The following MGST3 variants were observed in gnomAD, a reference collection of about 807,000 sequenced individuals.
MGST3 encodes glutathione S-transferase 3, mitochondrial.
MGST3 carries 13 observed loss-of-function variants against 15.8 expected under a neutral mutation model. The observed-to-expected ratio is 0.82, with a 90% CI of 0.54 to 1.31. The LOEUF is 1.31. Ranked by LOEUF, MGST3 falls within the 50% of genes most tolerant of loss-of-function variation. The pLI is 0.00. For synonymous variants in MGST3, 49 were observed against 68.1 expected, an observed-to-expected ratio of 0.72 and a Z score of 1.38; for missense variants, 155 against 192.4, an observed-to-expected ratio of 0.81 and a Z score of 1.15.
At chr1:165,632,842 G>A (rs1024844017) in intron 1 of MGST3, among the ~76,000 whole-genome samples, 1 of 152,032 alleles carries the variant, frequency 6.6e-6, no homozygotes, top group Non-Finnish European at 1.5e-5. Flanking sequence ...GAACATACAG[G>A]AAAGAAGGGC....
chr1:165,642,480 A>T (rs1648287209), intron 1 of MGST3, among the ~76,000 whole-genome samples: 1 of 152,262 alleles, frequency 6.6e-6, no homozygotes, highest in Non-Finnish European at 1.5e-5. Context: ...ATGTGGTTCT[A>T]AACTTTGCTA....
rs755972776 is a variant in MGST3 at position 165,655,551 on chromosome 1, C to G, written c.*47C>G. On this transcript the variant is annotated 3_prime_UTR_variant, in exon 6 of 6. Transcript: ENST00000367889. ...CTCTCATTCATTTTAAATGACTTAC[C>G]TTTATTTCCAGTTACATTTTTTTTC... 1 of 1,609,254 alleles carries G rather than the reference C, an allele frequency of 6.2e-7. No individual in the cohort carries two copies. The highest frequency in any genetic ancestry group is 1.7e-5 in the Admixed American group (1 of 59,746).
intron 1 of MGST3, chr1:165,646,958 G>A (rs982407960): frequency 3.3e-5 from 5 of 152,236 alleles, no homozygotes; most frequent in Non-Finnish European, 7.3e-5. Context: ...TCGTGCGGGG[G>A]ACCCTCAGGG....
intron 1 of MGST3, among the ~76,000 whole-genome samples, chr1:165,642,461 A>G (rs1648286867): frequency 6.6e-6 from 1 of 152,238 alleles, no homozygotes; most frequent in Admixed American, 6.5e-5. Context: ...CAGAAAAGGA[A>G]GAGGATATAT....
At chr1:165,632,523 CAT>C (rs1647982160) in intron 1 of MGST3, among the ~76,000 whole-genome samples, 1 of 152,210 alleles carries the variant, frequency 6.6e-6, no homozygotes, top group Admixed American at 6.5e-5. Context: ...TTAAAACTAA[CAT>C]ATAAAATAGA....
chr1:165,632,149 G>C, intron 1 of MGST3: 1 of 1,197,930 alleles, frequency 8.3e-7, no homozygotes, highest in Non-Finnish European at 1.2e-6. Flanking sequence ...GCAAGTAAGT[G>C]TGGAAGACGA....
intron 4 of MGST3, 65 bp from the exon 5 acceptor site, chr1:165,654,214 C>T (rs4147606): frequency 0.2 from 299,168 of 1,467,406 alleles, 46,968 homozygotes; most frequent in East Asian, 0.83. Flanking sequence ...GTAATCAACC[C>T]TAGGTGTTAA....
intron 4 of MGST3, 151 bp downstream of exon 4, chr1:165,652,186 T>A: frequency 1.4e-6 from 1 of 715,662 alleles, no homozygotes. Context: ...TCTTACAGAG[T>A]TCTTTAAAGG....
chr1:165,649,948 AG>A lies in MGST3; in HGVS notation c.102del (p.Lys35SerfsTer41). ...GCCATCAATGTTTCCAAGGCCCGCA[AG>A]AAGTACAAAGTGGAGGTAAGTGGGA... The part of the protein sequence containing the change: ...HLAINVSKAR[K>X]KYKVEYPIMY... On this transcript the variant is annotated frameshift_variant, in exon 2 of 6. Coordinates refer to ENST00000367889, the MANE Select transcript of MGST3 (RefSeq NM_004528.4). LOFTEE classifies it high-confidence loss of function. 6.2e-7 allele frequency: 1 copy of A among 1,614,144 alleles called. No homozygotes were observed. The highest frequency in any genetic ancestry group is 8.5e-7 in the Non-Finnish European group (1 of 1,180,028).
At chr1:165,643,454 C>T (rs2101718900) in intron 1 of MGST3, among the ~76,000 whole-genome samples, 1 of 151,764 alleles carries the variant, frequency 6.6e-6, no homozygotes, top group Non-Finnish European at 1.5e-5. Context: ...TGCTGTGGCT[C>T]ATGCTTGTAT....
chr1:165,648,874 T>C (rs532549186), intron 1 of MGST3: 1 of 152,330 alleles, frequency 6.6e-6, no homozygotes, highest in East Asian at 1.9e-4. Flanking sequence ...GTTTTAGACC[T>C]TGGAAACATT....
At chr1:165,640,802 T>C (rs536974738) in intron 1 of MGST3, among the ~76,000 whole-genome samples, 1 of 152,328 alleles carries the variant, frequency 6.6e-6, no homozygotes, top group East Asian at 1.9e-4. Flanking sequence ...AGAGGTATAC[T>C]ATATTCAATG....
At chr1:165,647,884 G>C (rs779672337) in intron 1 of MGST3, 1 of 152,178 alleles carries the variant, frequency 6.6e-6, no homozygotes, top group Non-Finnish European at 1.5e-5. Flanking sequence ...GGCCCAGGCT[G>C]CCTGGCCTCA....
In MGST3 at chr1:165,635,765, C is replaced by T. The variant is rs539497250; in HGVS notation, c.-8+4472C>T. On this transcript the variant is annotated intron_variant, in intron 1 of 5. Transcript: ENST00000367889. ...ATCCTCCTAACATATAGTTAGCTTC[C>T]ACTCTCCAAATATTCCACCAGCAAC... 7 of 152,266 alleles carry T rather than the reference C, an allele frequency of 4.6e-5. No individual in the cohort carries two copies. The East Asian group carries it at 1.2e-3, about 25-fold the overall frequency. 9.4% of individuals were successfully genotyped at this position (152,266 alleles called of 1,614,324 possible). A position where few individuals can be genotyped will look rare whatever the true frequency, so the allele number is the denominator to read the frequency against.
At chr1:165,647,464 C>T (rs1648433350) in intron 1 of MGST3, 1 of 152,106 alleles carries the variant, frequency 6.6e-6, no homozygotes, top group Admixed American at 6.5e-5. Flanking sequence ...ATTCTAAAAC[C>T]TGCTCTGGTC....
chr1:165,636,285 C>T (rs1648112072), intron 1 of MGST3, among the ~76,000 whole-genome samples: 1 of 152,154 alleles, frequency 6.6e-6, no homozygotes, highest in Admixed American at 6.5e-5. Flanking sequence ...AAGCAGTCCT[C>T]CCACCTCAGC....
intron 1 of MGST3, among the ~76,000 whole-genome samples, chr1:165,643,885 A>T (rs1269134350): frequency 6.6e-6 from 1 of 151,828 alleles, no homozygotes; most frequent in Non-Finnish European, 1.5e-5. Flanking sequence ...AAAATAAAAT[A>T]AAAAAATTTT....
chr1:165,650,993 G>C, intron 2 of MGST3, 21 bp from the exon 3 acceptor site: 1 of 1,610,870 alleles, frequency 6.2e-7, no homozygotes, highest in Non-Finnish European at 8.5e-7. Flanking sequence ...CATCTGATCA[G>C]TATGTGCTTT....
chr1:165,634,794 TCCCCCCCA>T (rs1648064506), intron 1 of MGST3, among the ~76,000 whole-genome samples: 1 of 40,838 alleles, frequency 2.4e-5, no homozygotes, highest in Non-Finnish European at 4.8e-5. Flanking sequence ...CCTCCCTCCC[TCCCCCCCA>T]CTCTCAACTG....
Sources: allele counts gnomAD v4.1 joint callset (sites outside exome capture counted in the v4.1 genomes callset), GRCh38; gene constraint gnomAD v4.1.1; transcripts MANE v1.5; gene names NCBI Gene and HGNC (gene_info 2026-07-23, HGNC 2026-07-21).